C10orf90: variants seen among roughly 807,000 people sequenced by gnomAD.
C10orf90 encodes chromosome 10 open reading frame 90, also known as (E2-independent) E3 ubiquitin-conjugating enzyme FATS.
A neutral mutation model predicts 62.5 loss-of-function variants in C10orf90; 56 were observed. That is an observed-to-expected ratio of 0.90 (90% CI 0.72 to 1.12). C10orf90 has a LOEUF of 1.12. Ranked by LOEUF, C10orf90 falls within the 50% of genes most tolerant of loss-of-function variation. The probability of loss-of-function intolerance (pLI) is 0.00; values close to 1 mark genes in which losing one functional copy is unlikely to be tolerated. For missense variants in C10orf90, 970 were observed against 880.4 expected (o/e 1.10, Z -1.29); for synonymous variants, 386 against 340.4 (o/e 1.13, Z -1.47).
chr10:126,634,040 A>G (rs1189990620), intron 2 of C10orf90, among the ~76,000 whole-genome samples: 7 of 152,222 alleles, frequency 4.6e-5, no homozygotes, highest in Non-Finnish European at 8.8e-5. Context: ...GGGAATGTAG[A>G]ATGTTGCAGC....
chr10:126,526,854 A>G (rs1863964100), intron 2 of C10orf90, among the ~76,000 whole-genome samples: 1 of 152,148 alleles, frequency 6.6e-6, no homozygotes, highest in Non-Finnish European at 1.5e-5. Context: ...TCTGCTTATC[A>G]TAATGCTTTC....
intron 7 of C10orf90, among the ~76,000 whole-genome samples, chr10:126,439,777 T>G (rs1858182263): frequency 6.6e-6 from 1 of 152,090 alleles, no homozygotes; most frequent in African/African-American, 2.4e-5. Flanking sequence ...AAAAAAATTA[T>G]GAAAATGAAT....
intron 4 of C10orf90, among the ~76,000 whole-genome samples, chr10:126,490,993 T>A (rs749656242): frequency 5.9e-5 from 9 of 152,148 alleles, no homozygotes; most frequent in Non-Finnish European, 1.2e-4. Flanking sequence ...TCAGTTCCCA[T>A]ACAGAAATGA....
At chr10:126,619,600 T>A (rs925548750) in intron 2 of C10orf90, among the ~76,000 whole-genome samples, 1 of 152,224 alleles carries the variant, frequency 6.6e-6, no homozygotes, top group Non-Finnish European at 1.5e-5. Flanking sequence ...TCTGTTCAAG[T>A]GTTTGGCACT....
chr10:126,642,393 G>A lies in C10orf90; in HGVS notation c.313+4172C>T, dbSNP rs551891306. 8.5e-5 allele frequency among the ~76,000 whole-genome samples: 13 copies of A among 152,204 alleles called. No individual in the cohort carries two copies. The South Asian group carries it at 1.2e-3, about 15-fold the overall frequency. ...TAAAAATACAAAAAATTAGCCGGGCGTGGTGGCGGGCGCCTGTAGTCCCAG... is the reference window on the plus strand; with the variant it reads ...TAAAAATACAAAAAATTAGCCGGGCATGGTGGCGGGCGCCTGTAGTCCCAG... On this transcript the variant is annotated intron_variant, in intron 2 of 9. Transcript: ENST00000488181.
chr10:126,485,654 G>T (rs1302562603), intron 4 of C10orf90, among the ~76,000 whole-genome samples: 2 of 151,970 alleles, frequency 1.3e-5, no homozygotes, highest in African/African-American at 4.8e-5. Context: ...AAAAACCTTG[G>T]AAATGGCCGG....
chr10:126,633,990 C>A (rs1013288276), intron 2 of C10orf90, among the ~76,000 whole-genome samples: 2 of 152,082 alleles, frequency 1.3e-5, no homozygotes, highest in Non-Finnish European at 2.9e-5. Context: ...TAAGTTTTGG[C>A]GAAGAAGCAG....
At chr10:126,535,665 A>G (rs1864215758) in intron 2 of C10orf90, among the ~76,000 whole-genome samples, 1 of 152,218 alleles carries the variant, frequency 6.6e-6, no homozygotes, top group Admixed American at 6.5e-5. Flanking sequence ...AATTTGTCTT[A>G]GCTCTCCCCA....
chr10:126,535,688 G>T (rs186556049), intron 2 of C10orf90, among the ~76,000 whole-genome samples: 3 of 152,088 alleles, frequency 2.0e-5, no homozygotes, highest in East Asian at 1.9e-4. Flanking sequence ...GGAAATAAAC[G>T]TGGAGAAAAA....
At chr10:126,468,605 T>C (rs1860413149) in intron 4 of C10orf90, among the ~76,000 whole-genome samples, 1 of 151,902 alleles carries the variant, frequency 6.6e-6, no homozygotes, top group Non-Finnish European at 1.5e-5. Context: ...ACCAGGGGAG[T>C]GGGCTGGTCT....
intron 2 of C10orf90, among the ~76,000 whole-genome samples, chr10:126,610,308 A>C (rs959066830): frequency 2.0e-5 from 3 of 151,474 alleles, no homozygotes; most frequent in African/African-American, 7.3e-5. Context: ...CCTACAGGCA[A>C]CTCCTCCTGA....
chr10:126,644,088 A>G (rs1024974850), intron 2 of C10orf90, among the ~76,000 whole-genome samples: 3 of 152,224 alleles, frequency 2.0e-5, no homozygotes, highest in Non-Finnish European at 4.4e-5. Context: ...CTCTGAGCCC[A>G]CGATTGGAGA....
chr10:126,576,572 T>C (rs1844615022), intron 2 of C10orf90, among the ~76,000 whole-genome samples: 1 of 151,536 alleles, frequency 6.6e-6, no homozygotes, highest in Admixed American at 6.6e-5. Flanking sequence ...CTACTGGGCA[T>C]TTATCCAAAG....
intron 2 of C10orf90, among the ~76,000 whole-genome samples, chr10:126,524,089 T>C (rs1036482145): frequency 6.6e-6 from 1 of 152,230 alleles, no homozygotes; most frequent in Admixed American, 6.5e-5. Context: ...TCTTTTGCCT[T>C]TCATGCTATG....
chr10:126,523,762 A>C (rs1367343597), intron 2 of C10orf90, among the ~76,000 whole-genome samples: 2 of 144,596 alleles, frequency 1.4e-5, no homozygotes, highest in Non-Finnish European at 1.5e-5. Flanking sequence ...CCTAACAACC[A>C]CCATTCTACT....
At chr10:126,462,408 A>G (rs1860045700) in intron 5 of C10orf90, among the ~76,000 whole-genome samples, 1 of 151,960 alleles carries the variant, frequency 6.6e-6, no homozygotes, top group Non-Finnish European at 1.5e-5. Flanking sequence ...AGCCCCTTTG[A>G]TTCCTCTGCC....
At chr10:126,459,287 G>A in intron 6 of C10orf90, 70 bp from the exon 7 acceptor site, 1 of 1,571,616 alleles carries the variant, frequency 6.4e-7, no homozygotes, top group Non-Finnish European at 8.7e-7. Flanking sequence ...TCTGTCTGAT[G>A]CAGCCAAGAA....
chr10:126,544,708 A>G (rs1390211276), intron 2 of C10orf90, among the ~76,000 whole-genome samples: 1 of 152,096 alleles, frequency 6.6e-6, no homozygotes, highest in East Asian at 1.9e-4. Context: ...TGCAGAATTG[A>G]TTTTTCTTAA....
rs563689292 is a variant in C10orf90 at position 126,459,274 on chromosome 10, G to T, written c.2011-57C>A. ...AAGAGCAGTGACACAGAAAGGCAAC[G>T]CATCTGTCTGATGCAGCCAAGAAGC... is the stretch of plus-strand genomic sequence containing the variant. On this transcript the variant is annotated intron_variant, in intron 6 of 9. Coordinates refer to ENST00000488181, the MANE Select transcript of C10orf90 (RefSeq NM_001350921.2). The T allele has an allele frequency of 5.0e-6, 8 of 1,586,442 alleles. No individual in the cohort carries two copies. The Admixed American group carries it at 6.7e-5, about 13-fold the overall frequency.
Sources: allele counts gnomAD v4.1 joint callset (sites outside exome capture counted in the v4.1 genomes callset), GRCh38; gene constraint gnomAD v4.1.1; transcripts MANE v1.5; gene names NCBI Gene and HGNC (gene_info 2026-07-23, HGNC 2026-07-21).